CSNK1E: variants seen among roughly 807,000 people sequenced by gnomAD.
The protein encoded by CSNK1E is casein kinase I isoform epsilon.
Under a neutral mutation model 46.1 loss-of-function variants are expected in CSNK1E, and 17 were observed. The observed-to-expected ratio is 0.37, with a 90% CI of 0.25 to 0.55. CSNK1E has a LOEUF of 0.55. Ranked by LOEUF, CSNK1E falls within the 20% of genes least tolerant of loss-of-function variation. The pLI is 0.82. For missense variants in CSNK1E, 386 were observed against 595.4 expected, an observed-to-expected ratio of 0.65 and a Z score of 3.66; for synonymous variants, 241 against 242.6, an observed-to-expected ratio of 0.99 and a Z score of 0.06.
In CSNK1E at chr22:38,294,370, G is replaced by C; in HGVS notation, c.1050C>G (p.Ser350=). 6.4e-7 allele frequency: 1 copy of C among 1,562,466 alleles called. No homozygotes were observed. The highest frequency in any genetic ancestry group is 8.6e-7 in the Non-Finnish European group (1 of 1,157,080). Residue 350 remains serine (S), a synonymous_variant, in exon 8 of 11, where the codon TCC becomes TCG. Transcript: ENST00000396832. The surrounding 1 kb of genome is among the most constrained non-coding windows in gnomAD (Gnocchi z 5.5). ...RLRSAAEPVA[S]TPASRIQPAG... The stretch of plus-strand genomic sequence containing the variant: ...CCGGCTGGATGCGGGAGGCTGGCGT[G>C]GAAGCCACGGGCTCGGCGGCACTGC...
chr22:38,316,898 G>C (rs2092749297), intron 1 of CSNK1E: 2 of 152,010 alleles, frequency 1.3e-5, no homozygotes, highest in African/African-American at 4.8e-5. Context: ...GCCCAGCGGG[G>C]GGAAGCGGAG....
chr22:38,317,449 G>T (rs1256086178), upstream of CSNK1E: 2 of 109,076 alleles, frequency 1.8e-5, no homozygotes, highest in Non-Finnish European at 3.6e-5. Flanking sequence ...GCGCGCGCCC[G>T]CCGGCTCCCA....
At position 38,300,673 on chromosome 22, in the gene CSNK1E, G is replaced by GCC; in HGVS notation, c.565+49_565+50dup. On this transcript the variant is annotated intron_variant, in intron 5 of 10. Transcript: ENST00000396832. The surrounding 1 kb of genome is among the most constrained non-coding windows in gnomAD (Gnocchi z 4.4). Reference sequence around the variant, plus strand: ...GGGTGAGAGGGCTCCAGAGAGCTGGGCCCCAGCCAGTGGCCCCGGGTGCAC... The same window carrying GCC: ...GGGTGAGAGGGCTCCAGAGAGCTGGGCCCCCCAGCCAGTGGCCCCGGGTGCAC... The GCC allele has an allele frequency of 6.4e-7, 1 of 1,563,288 alleles. No individual in the cohort carries two copies.
At chr22:38,314,968 G>C (rs952590511) in intron 1 of CSNK1E, among the ~76,000 whole-genome samples, 2 of 152,222 alleles carry the variant, frequency 1.3e-5, no homozygotes, top group Admixed American at 6.5e-5. Flanking sequence ...GGAAACTGAA[G>C]GCCTGGAGGC....
intron 6 of CSNK1E, 144 bp downstream of exon 6, chr22:38,299,751 A>G: frequency 1.2e-6 from 1 of 831,728 alleles, no homozygotes; most frequent in Non-Finnish European, 1.9e-6. Flanking sequence ...CTCATGATCC[A>G]CCTGCCTTGG....
intron 1 of CSNK1E, among the ~76,000 whole-genome samples, chr22:38,314,566 G>A (rs1190387165): frequency 1.3e-5 from 2 of 152,218 alleles, no homozygotes; most frequent in East Asian, 1.9e-4. Context: ...TGCCCAGCAC[G>A]CCTTGCAGGA....
chr22:38,311,569 T>C (rs1411970689), intron 2 of CSNK1E, among the ~76,000 whole-genome samples: 2 of 152,194 alleles, frequency 1.3e-5, no homozygotes, highest in Admixed American at 1.3e-4. Context: ...TCCATGCCCT[T>C]TGACCTCCAG....
rs1417213818 is a variant in CSNK1E, at chr22:38,309,184, G to A, written c.76+4898C>T. On this transcript the variant is annotated intron_variant, in intron 2 of 10. Transcript: ENST00000396832. This position sits in a 1 kb window ranked among gnomAD's most constrained non-coding sequence, Gnocchi z 4.8. ...TCTCCTGGGGGACAAAAATCACCCT[G>A]TTGAGGCTACCTGGTGGATACGAAA... 6.6e-6 allele frequency among the ~76,000 whole-genome samples: 1 copy of A among 152,216 alleles called. No individual in the cohort carries two copies. Among genetic ancestry groups the A allele is most frequent in the Non-Finnish European group, 1.5e-5 (1 of 68,038 alleles).
At position 38,294,576 on chromosome 22, in the gene CSNK1E, C is replaced by T; in HGVS notation, c.886-42G>A. The T allele has an allele frequency of 6.5e-7, 1 of 1,534,658 alleles. No homozygotes were observed. The highest frequency in any genetic ancestry group is 8.7e-7 in the Non-Finnish European group (1 of 1,142,944). ...AAAGACACCAGTCAGCCCCAGAGGC[C>T]AGGGTGCTCTGGGCCCAGCAGCCCT... On this transcript the variant is annotated intron_variant, in intron 7 of 10. Transcript: ENST00000396832. This position sits in a 1 kb window ranked among gnomAD's most constrained non-coding sequence, Gnocchi z 5.5.
At chr22:38,308,913 G>A (rs1055862451) in intron 2 of CSNK1E, among the ~76,000 whole-genome samples, 1 of 152,150 alleles carries the variant, frequency 6.6e-6, no homozygotes, top group Non-Finnish European at 1.5e-5. Context: ...AGATCTGAAG[G>A]GTCTTGAATG....
chr22:38,297,681 G>C (rs1415289174), intron 7 of CSNK1E: 3 of 995,104 alleles, frequency 3.0e-6, no homozygotes, highest in South Asian at 4.4e-5. Context: ...TCTGTCCTGG[G>C]ACCCGTTCCC....
In CSNK1E at chr22:38,299,966, C is replaced by T; in HGVS notation, c.665G>A (p.Arg222His). 6.2e-7 allele frequency: 1 copy of T among 1,614,194 alleles called. No homozygotes were observed. The highest frequency in any genetic ancestry group is 8.5e-7 in the Non-Finnish European group (1 of 1,180,038). Residue 222 changes from arginine to histidine, a missense_variant, in exon 6 of 11, where the codon CGC (arginine) becomes CAC (histidine). Arg to His is a conservative substitution (Grantham distance 29). Coordinates refer to ENST00000396832, the MANE Select transcript of CSNK1E (RefSeq NM_152221.3). Reference sequence around the variant, plus strand: ...CTCGCTGATCCGTTCATACTTCTGGCGCTTGGTGGCTGCTTTGAGCCCCTG... The same window carrying T: ...CTCGCTGATCCGTTCATACTTCTGGTGCTTGGTGGCTGCTTTGAGCCCCTG... ...PWQGLKAATK[R>H]QKYERISEKK...
rs758601321 is a variant in CSNK1E at position 38,298,772 on chromosome 22, T to G, written c.885+14A>C. On this transcript the variant is annotated intron_variant, in intron 7 of 10. Transcript: ENST00000396832. The surrounding 1 kb of genome is among the most constrained non-coding windows in gnomAD (Gnocchi z 4.2). ...CCAGTCCCCCAAGCCCGCCTTGGCCTCCAGGTGACTCACGAATTTCAGCAT... is the reference window on the plus strand; with the variant it reads ...CCAGTCCCCCAAGCCCGCCTTGGCCGCCAGGTGACTCACGAATTTCAGCAT... 3.7e-6 allele frequency: 6 copies of G among 1,613,886 alleles called. No individual in the cohort carries two copies. Among genetic ancestry groups the G allele is most frequent in the Non-Finnish European group, 5.1e-6 (6 of 1,179,914 alleles).
chr22:38,293,406 G>C lies in CSNK1E; in HGVS notation c.1219-87C>G, dbSNP rs1056428602. The C allele has an allele frequency of 6.0e-6, 5 of 838,078 alleles. No homozygotes were observed. In the African/African-American group the frequency reaches 6.7e-5, roughly 11 times the overall value. 51.9% of individuals were successfully genotyped at this position (838,078 alleles called of 1,614,324 possible). A position where few individuals can be genotyped will look rare whatever the true frequency, so the allele number is the denominator to read the frequency against. On this transcript the variant is annotated intron_variant, in intron 9 of 10. Transcript: ENST00000396832. ...AAGTCCCTTAGCCGCTGGCGATAGA[G>C]ATTTGGCAAGTCTCTCCCCACTGAG...
At position 38,300,386 on chromosome 22, in the gene CSNK1E, C is replaced by T. The variant is rs917625746; in HGVS notation, c.566-321G>A. Among the ~76,000 whole-genome samples, 1 of 152,208 alleles carries T rather than the reference C, an allele frequency of 6.6e-6. No individual in the cohort carries two copies. Among genetic ancestry groups the T allele is most frequent in the Non-Finnish European group, 1.5e-5 (1 of 68,036 alleles). ...TCACAAGCTTCAGCATCAGACAGGGCCGGGGTCAAGTCCAGCTTTGGCATT... is the reference window on the plus strand; with the variant it reads ...TCACAAGCTTCAGCATCAGACAGGGTCGGGGTCAAGTCCAGCTTTGGCATT... On this transcript the variant is annotated intron_variant, in intron 5 of 10. Coordinates refer to ENST00000396832, the MANE Select transcript of CSNK1E (RefSeq NM_152221.3). This position sits in a 1 kb window ranked among gnomAD's most constrained non-coding sequence, Gnocchi z 4.4.
chr22:38,307,458 G>A lies in CSNK1E; in HGVS notation c.77-4210C>T, dbSNP rs192190381. 2.9e-3 allele frequency among the ~76,000 whole-genome samples: 437 copies of A among 152,222 alleles called. 3 individuals carry two copies. The highest frequency in any genetic ancestry group is 0.01 in the African/African-American group (418 of 41,540). ...TCCCAGCTCTCAGGAGGCTGAGGTA[G>A]GAGAATCTCTTGAACCTGGGAGGCG... On this transcript the variant is annotated intron_variant, in intron 2 of 10. Coordinates refer to ENST00000396832, the MANE Select transcript of CSNK1E (RefSeq NM_152221.3).
Position 38,314,189 on chromosome 22 carries a change from A to G in CSNK1E, c.-12-20T>C. Reference sequence around the variant, plus strand: ...CTCTTGCTGCAGAGGAAGCAGGAACATGAGGGTCAGCGACGTGGGGAGCCG... The same window carrying G: ...CTCTTGCTGCAGAGGAAGCAGGAACGTGAGGGTCAGCGACGTGGGGAGCCG... On this transcript the variant is annotated intron_variant, in intron 1 of 10. Transcript: ENST00000396832. 6.2e-7 allele frequency: 1 copy of G among 1,607,634 alleles called. No individual in the cohort carries two copies. Among genetic ancestry groups the G allele is most frequent in the Non-Finnish European group, 8.5e-7 (1 of 1,174,396 alleles).
Position 38,294,762 on chromosome 22 carries a change from A to G in CSNK1E, c.886-228T>C, listed in dbSNP as rs756242903. On this transcript the variant is annotated intron_variant, in intron 7 of 10. Transcript: ENST00000396832. This position sits in a 1 kb window ranked among gnomAD's most constrained non-coding sequence, Gnocchi z 5.5. ...GGAGAAAGCAGGAGTCTGGGGGCAG[A>G]GGGAGGTCAGTCTGCCCTGCTCTCC... 1.3e-4 allele frequency among the ~76,000 whole-genome samples: 20 copies of G among 152,204 alleles called. No individual in the cohort carries two copies. Among genetic ancestry groups the G allele is most frequent in the Non-Finnish European group, 2.2e-4 (15 of 68,008 alleles).
At chr22:38,305,432 TAAA>T (rs10618230) in intron 2 of CSNK1E, among the ~76,000 whole-genome samples, 11 of 113,924 alleles carry the variant, frequency 9.7e-5, no homozygotes, top group East Asian at 2.6e-4. Flanking sequence ...TAAAGCCATT[TAAA>T]AAAAAAAAAA....
Sources: gnomAD v4.1 joint callset for allele counts (sites outside exome capture counted in the v4.1 genomes callset) on GRCh38, gnomAD v4.1.1 for gene constraint, Gnocchi (gnomAD v3.1) non-coding constraint, MANE v1.5 for transcripts, NCBI Gene and HGNC (gene_info 2026-07-23, HGNC 2026-07-21) for gene names.